The following CDC42SE2 variants were observed in gnomAD, a reference collection of about 807,000 sequenced individuals.
CDC42SE2 encodes CDC42 small effector protein 2.
CDC42SE2 carries 3 observed loss-of-function variants against 11.5 expected under a neutral mutation model. That is an observed-to-expected ratio of 0.26 (90% CI 0.12 to 0.67). CDC42SE2 has a LOEUF of 0.67. Among genes scored for constraint, CDC42SE2 ranks in the 30% least tolerant of loss-of-function variants. CDC42SE2 has a pLI of 0.80. For missense variants in CDC42SE2, 82 were observed against 106.8 expected, an observed-to-expected ratio of 0.77 and a Z score of 1.02; for synonymous variants, 33 against 34.8, an observed-to-expected ratio of 0.95 and a Z score of 0.18.
At chr5:131,270,300 G>A (rs1756966718) in intron 1 of CDC42SE2, among the ~76,000 whole-genome samples, 1 of 150,780 alleles carries the variant, frequency 6.6e-6, no homozygotes, top group African/African-American at 2.4e-5. Flanking sequence ...GCATGGACCC[G>A]GGAGGCAGAG....
intron 2 of CDC42SE2, among the ~76,000 whole-genome samples, chr5:131,330,623 A>G (rs902082633): frequency 3.3e-5 from 5 of 152,146 alleles, no homozygotes; most frequent in African/African-American, 9.7e-5. Flanking sequence ...GGTTGTCACA[A>G]CAGGTGGAAA....
intron 2 of CDC42SE2, among the ~76,000 whole-genome samples, chr5:131,323,140 C>T (rs986815851): frequency 2.0e-5 from 3 of 151,570 alleles, no homozygotes; most frequent in Admixed American, 6.6e-5. Flanking sequence ...AGTCCTTCCA[C>T]ATTAGCCCTC....
chr5:131,335,294 T>C (rs1349856583), intron 2 of CDC42SE2, among the ~76,000 whole-genome samples: 1 of 152,232 alleles, frequency 6.6e-6, no homozygotes, highest in Non-Finnish European at 1.5e-5. Flanking sequence ...AGTTTCTTAA[T>C]CCTGAGTTCT....
intron 1 of CDC42SE2, among the ~76,000 whole-genome samples, chr5:131,273,142 T>A (rs1444052243): frequency 6.8e-6 from 1 of 146,630 alleles, no homozygotes; most frequent in Non-Finnish European, 1.5e-5. Flanking sequence ...ATATATATAT[T>A]TTACATTTTT....
intron 1 of CDC42SE2, among the ~76,000 whole-genome samples, chr5:131,313,123 C>T (rs543409534): frequency 6.6e-5 from 10 of 152,016 alleles, no homozygotes; most frequent in Non-Finnish European, 1.5e-4. Flanking sequence ...GCTGGGACTA[C>T]AGGTGCCTGC....
intron 1 of CDC42SE2, among the ~76,000 whole-genome samples, chr5:131,314,883 C>T (rs1038569725): frequency 6.6e-6 from 1 of 152,122 alleles, no homozygotes; most frequent in Non-Finnish European, 1.5e-5. Flanking sequence ...TTCAAGCTAC[C>T]ATTATTTAAG....
rs1380866858 is a variant in CDC42SE2, at chr5:131,392,227, A to G, written c.*1136A>G. 1 of 152,496 alleles carries G rather than the reference A, an allele frequency of 6.6e-6. No homozygotes were observed. Among genetic ancestry groups the G allele is most frequent in the Non-Finnish European group, 1.5e-5 (1 of 67,986 alleles). The allele number at this position is 152,496 out of a possible 1,614,324, so 9.4% of individuals were successfully genotyped here. A position where few individuals can be genotyped will look rare whatever the true frequency, so the allele number is the denominator to read the frequency against. On this transcript the variant is annotated 3_prime_UTR_variant, in exon 5 of 5. Transcript: ENST00000505065. ...TTTTATTGGAAAGCAAGGACCTGCT[A>G]TTATTTGTTAATTTGCCATCATTTA...
intron 3 of CDC42SE2, among the ~76,000 whole-genome samples, chr5:131,376,013 T>C (rs1360587554): frequency 1.3e-5 from 2 of 151,750 alleles, no homozygotes; most frequent in Admixed American, 6.6e-5. Flanking sequence ...CCAAGGTGGG[T>C]GGATTAGTTG....
chr5:131,212,905 A>T, the CDC42SE2 span, among the ~76,000 whole-genome samples: 1 of 152,154 alleles, frequency 6.6e-6, no homozygotes, highest in Non-Finnish European at 1.5e-5. Flanking sequence ...AAAAATAATA[A>T]TCCGGCTGGG....
chr5:131,375,593 G>C (rs1750129301), intron 3 of CDC42SE2, among the ~76,000 whole-genome samples: 1 of 152,128 alleles, frequency 6.6e-6, no homozygotes, highest in African/African-American at 2.4e-5. Flanking sequence ...ATTCCAGTGA[G>C]TGAGCTAAGC....
At chr5:131,369,028 A>G (rs972376791) in intron 3 of CDC42SE2, among the ~76,000 whole-genome samples, 2 of 152,200 alleles carry the variant, frequency 1.3e-5, no homozygotes, top group African/African-American at 4.8e-5. Flanking sequence ...GTCCTTTCCA[A>G]TTACACACGT....
intron 2 of CDC42SE2, among the ~76,000 whole-genome samples, chr5:131,319,564 C>G (rs1445010747): frequency 6.6e-6 from 1 of 152,118 alleles, no homozygotes; most frequent in Admixed American, 6.6e-5. Context: ...AAGTAGATCT[C>G]TTATAGCAGA....
At position 131,393,838 on chromosome 5, in the gene CDC42SE2, T is replaced by G. The variant is rs982411148; in HGVS notation, c.*2747T>G. The G allele has an allele frequency of 1.1e-4, 16 of 145,978 alleles. 1 individual carries two copies. Among genetic ancestry groups the G allele is most frequent in the African/African-American group, 3.8e-4 (15 of 39,006 alleles). 9.0% of individuals were successfully genotyped at this position (145,978 alleles called of 1,614,324 possible). A position where few individuals can be genotyped will look rare whatever the true frequency, so the allele number is the denominator to read the frequency against. ...CGCTGTTTTTTTTTTTTTTTTTTTT[T>G]TTTTTGCTGCTCCAACGACCAGCAT... On this transcript the variant is annotated 3_prime_UTR_variant, in exon 5 of 5. Transcript: ENST00000505065.
At chr5:131,265,139 T>G (rs895566461) in intron 1 of CDC42SE2, among the ~76,000 whole-genome samples, 1 of 152,178 alleles carries the variant, frequency 6.6e-6, no homozygotes, top group Non-Finnish European at 1.5e-5. Context: ...TATACGTTTT[T>G]TAGTTTTTGT....
At chr5:131,227,972 G>C in the CDC42SE2 span, among the ~76,000 whole-genome samples, 1 of 152,254 alleles carries the variant, frequency 6.6e-6, no homozygotes, top group African/African-American at 2.4e-5. Flanking sequence ...CAGATCACTT[G>C]AGATTAGGAG....
chr5:131,382,003 G>A (rs1246375655), intron 3 of CDC42SE2, among the ~76,000 whole-genome samples: 5 of 152,160 alleles, frequency 3.3e-5, no homozygotes, highest in Admixed American at 6.6e-5. Flanking sequence ...CTTGGGGAGC[G>A]AAGGACTGAA....
intron 1 of CDC42SE2, among the ~76,000 whole-genome samples, chr5:131,308,266 G>A (rs377569059): frequency 9.2e-5 from 14 of 152,060 alleles, no homozygotes; most frequent in South Asian, 6.2e-4. Flanking sequence ...GATATGCGGC[G>A]TTATTTCTGA....
At chr5:131,383,635 C>G (rs550377762) in intron 3 of CDC42SE2, among the ~76,000 whole-genome samples, 3 of 152,282 alleles carry the variant, frequency 2.0e-5, no homozygotes, top group Non-Finnish European at 2.9e-5. Context: ...TATGTGGCTA[C>G]TACTGAAAAA....
At chr5:131,285,725 G>A (rs1757325976) in intron 1 of CDC42SE2, among the ~76,000 whole-genome samples, 1 of 152,142 alleles carries the variant, frequency 6.6e-6, no homozygotes, top group Admixed American at 6.5e-5. Flanking sequence ...GGAATCAGAG[G>A]GTTATCACTA....
Sources: gnomAD v4.1 joint callset for allele counts (sites outside exome capture counted in the v4.1 genomes callset) on GRCh38, gnomAD v4.1.1 for gene constraint, MANE v1.5 for transcripts, NCBI Gene and HGNC (gene_info 2026-07-23, HGNC 2026-07-21) for gene names.